The following CAPN6 variants were observed in gnomAD, a reference collection of about 807,000 sequenced individuals.
The protein encoded by CAPN6 is calpain-6.
CAPN6 carries 16 observed loss-of-function variants against 46.0 expected under a neutral mutation model. That is an observed-to-expected ratio of 0.35 (90% CI 0.24 to 0.53). The LOEUF (loss-of-function observed/expected upper bound fraction) is 0.53. Ranked by LOEUF, CAPN6 falls within the 20% of genes least tolerant of loss-of-function variation. CAPN6 has a pLI of 0.94. For synonymous variants in CAPN6, 206 were observed against 172.8 expected (o/e 1.19, Z -1.51); for missense variants, 461 against 498.0 (o/e 0.93, Z 0.71).
At chrX:111,262,199 T>C (rs1440327344) in intron 2 of CAPN6, among the ~76,000 whole-genome samples, 1 of 112,359 alleles carries the variant, frequency 8.9e-6, no homozygotes, top group African/African-American at 3.2e-5. Context: ...CGCTGGAATG[T>C]CAATAACTGC....
At chrX:111,264,062 G>C in intron 1 of CAPN6, 111 bp from the exon 2 acceptor site, 1 of 463,111 alleles carries the variant, frequency 2.2e-6, no homozygotes, top group Non-Finnish European at 3.5e-6. Context: ...CCAGAGCTAG[G>C]CACTTCTAGT....
chrX:111,254,553 C>T, intron 2 of CAPN6, 150 bp from the exon 3 acceptor site: 1 of 403,962 alleles, frequency 2.5e-6, no homozygotes, highest in Non-Finnish European at 4.3e-6. Context: ...GAAGGGAAGG[C>T]TGAGGGGATT....
intron 3 of CAPN6, among the ~76,000 whole-genome samples, chrX:111,253,866 T>C (rs2094981670): frequency 8.9e-6 from 1 of 112,392 alleles, no homozygotes; most frequent in Non-Finnish European, 1.9e-5. Context: ...TTTCAAGTCC[T>C]ACTTCTGTAT....
chrX:111,251,586 A>C lies in CAPN6; in HGVS notation c.856T>G (p.Leu286Val). The C allele has an allele frequency of 8.3e-7, 1 of 1,210,152 alleles. No homozygotes were observed. The part of the protein sequence containing the change: ...KVYMVRLRNP[L>V]GRQEWSGPWS... ...GGGCCACTCCATTCCTGTCTTCCCA[A>C]GGGGTTTCTCAGGCGAACCATATAC... Residue 286 changes from leucine to valine, a missense_variant, in exon 6 of 13, where the codon TTG (leucine) becomes GTG (valine). Physicochemically the swap from Leu to Val is conservative, Grantham distance 32. Transcript: ENST00000324068.
intron 6 of CAPN6, 85 bp from the exon 7 acceptor site, chrX:111,251,371 A>T (rs1333961965): frequency 7.1e-6 from 7 of 987,380 alleles, no homozygotes; most frequent in Non-Finnish European, 9.9e-6. Context: ...CCAGAGAAAC[A>T]GAGTGCATGA....
chrX:111,259,498 A>G (rs2094986287), intron 2 of CAPN6, among the ~76,000 whole-genome samples: 1 of 112,057 alleles, frequency 8.9e-6, no homozygotes, highest in South Asian at 3.7e-4. Context: ...AAGCCTGTAT[A>G]TTCTGCTTCT....
chrX:111,262,015 G>C (rs1240249239), intron 2 of CAPN6, among the ~76,000 whole-genome samples: 1 of 111,362 alleles, frequency 9.0e-6, no homozygotes, highest in Non-Finnish European at 1.9e-5. Flanking sequence ...TCAGAAAAGA[G>C]GGATGCCCCT....
chrX:111,259,781 G>T (rs765451258), intron 2 of CAPN6, among the ~76,000 whole-genome samples: 1 of 111,780 alleles, frequency 8.9e-6, no homozygotes, highest in African/African-American at 3.3e-5. Flanking sequence ...TCAGGGATTA[G>T]ATGTGTCTGA....
At position 111,252,360 on chromosome X, in the gene CAPN6, C is replaced by T. The variant is rs758227137; in HGVS notation, c.646G>A (p.Gly216Arg). ...TTGGTAAATGTTTTGTACAGTTCTC[C>T]GAATAGCTTGTACTTCTCCTCAACA... ...ELVEEKYKLF[G>R]ELYKTFTKGG... The change falls in exon 5 of 13, where the codon GGA (glycine) becomes AGA (arginine). Residue 216 changes from glycine to arginine, a missense_variant. Transcript: ENST00000324068. 3.0e-5 allele frequency: 36 copies of T among 1,210,028 alleles called. No homozygotes were observed. Among genetic ancestry groups the T allele is most frequent in the Non-Finnish European group, 3.7e-5 (33 of 894,569 alleles).
chrX:111,255,627 T>A (rs975193911), intron 2 of CAPN6, among the ~76,000 whole-genome samples: 5 of 112,696 alleles, frequency 4.4e-5, no homozygotes, highest in African/African-American at 1.6e-4. Flanking sequence ...TATATTTTTC[T>A]GGTCCTCAAA....
At position 111,250,417 on chromosome X, in the gene CAPN6, T is replaced by A. The variant is rs748333379; in HGVS notation, c.1158+500A>T. 1.5e-3 allele frequency among the ~76,000 whole-genome samples: 161 copies of A among 110,466 alleles called. 1 individual carries two copies. Among genetic ancestry groups the A allele is most frequent in the Middle Eastern group, 0.014 (3 of 215 alleles). ...TGGGACAGAGTCGTTGACAGGGCAA[T>A]GATTCAAATCCTGGGAAAAATGACC... On this transcript the variant is annotated intron_variant, in intron 8 of 12. Coordinates refer to ENST00000324068, the MANE Select transcript of CAPN6 (RefSeq NM_014289.4).
At position 111,246,442 on chromosome X, in the gene CAPN6, T is replaced by C; in HGVS notation, c.*135A>G. On this transcript the variant is annotated 3_prime_UTR_variant, in exon 13 of 13. Transcript: ENST00000324068. ...TACTTGGATTGGGAGGTATGGGGAATTTATCAGAAGAGAGGAAGAGTTAAT... is the reference window on the plus strand; with the variant it reads ...TACTTGGATTGGGAGGTATGGGGAACTTATCAGAAGAGAGGAAGAGTTAAT... The C allele has an allele frequency of 1.8e-6, 1 of 552,717 alleles. No individual in the cohort carries two copies. The highest frequency in any genetic ancestry group is 2.9e-6 in the Non-Finnish European group (1 of 343,121). The allele number at this position is 552,717 out of a possible 1,213,427, so 45.6% of individuals were successfully genotyped here.
At chrX:111,270,079 C>T (rs1297518879) in intron 1 of CAPN6, among the ~76,000 whole-genome samples, 1 of 111,805 alleles carries the variant, frequency 8.9e-6, no homozygotes, top group Non-Finnish European at 1.9e-5. Flanking sequence ...TACACATGCA[C>T]GCGTGTGTGC....
At chrX:111,253,836 A>G (rs1378454532) in intron 3 of CAPN6, among the ~76,000 whole-genome samples, 3 of 112,300 alleles carry the variant, frequency 2.7e-5, no homozygotes, top group Admixed American at 9.4e-5. Flanking sequence ...TTTTTGTACT[A>G]TTAATAATTT....
Position 111,246,690 on chromosome X carries a change from A to C in CAPN6, c.1813T>G (p.Cys605Gly), listed in dbSNP as rs2094974813. ...QVTLDADPSD[C>G]RDLKSLYLRK... ...AGGTACAGAGACTTCAGATCACGGC[A>C]GTCGCTGGGGTCAGCATCCAGAGTA... is the stretch of plus-strand genomic sequence containing the variant. Residue 605 changes from cysteine to glycine, a missense_variant, in exon 13 of 13, where the codon TGC becomes GGC. Cys to Gly is a radical substitution (Grantham distance 159). Transcript: ENST00000324068. The C allele has an allele frequency of 7.4e-6, 9 of 1,211,036 alleles. No homozygotes were observed. The highest frequency in any genetic ancestry group is 1.0e-5 in the Non-Finnish European group (9 of 895,177).
intron 2 of CAPN6, among the ~76,000 whole-genome samples, chrX:111,255,970 G>T (rs2094983399): frequency 8.9e-6 from 1 of 111,889 alleles, no homozygotes; most frequent in Non-Finnish European, 1.9e-5. Context: ...ACATAGAGCA[G>T]GTATGTTGGG....
chrX:111,248,267 A>C (rs1164179849), intron 10 of CAPN6, among the ~76,000 whole-genome samples: 1 of 112,206 alleles, frequency 8.9e-6, no homozygotes, highest in Non-Finnish European at 1.9e-5. Flanking sequence ...GAGGAGTGCT[A>C]CCTACTTAAG....
At chrX:111,247,032 A>G (rs1394868354) in intron 12 of CAPN6, among the ~76,000 whole-genome samples, 1 of 111,501 alleles carries the variant, frequency 9.0e-6, no homozygotes, top group African/African-American at 3.3e-5. Context: ...AAAACTGCCA[A>G]ACTGCAGTGA....
chrX:111,254,465 G>A (rs993329063), intron 2 of CAPN6, 62 bp from the exon 3 acceptor site: 11 of 903,180 alleles, frequency 1.2e-5, no homozygotes, highest in Non-Finnish European at 1.6e-5. Flanking sequence ...GTCACTGTGA[G>A]CTGAACTAGG....
Sources: allele counts gnomAD v4.1 joint callset (sites outside exome capture counted in the v4.1 genomes callset), GRCh38; gene constraint gnomAD v4.1.1; transcripts MANE v1.5; gene names NCBI Gene and HGNC (gene_info 2026-07-23, HGNC 2026-07-21).